The following ENOX1 variants were observed in gnomAD, a reference collection of about 807,000 sequenced individuals.
The protein encoded by ENOX1 is ecto-NOX disulfide-thiol exchanger 1, also known as candidate growth-related and time keeping constitutive hydroquinone (NADH) oxidase.
Under a neutral mutation model 82.5 loss-of-function variants are expected in ENOX1, and 42 were observed. The ratio of observed to expected loss-of-function variants is 0.51; its 90% CI spans 0.40 to 0.66. ENOX1 has a LOEUF of 0.66. ENOX1 is among the 30% of genes least tolerant of loss of function. ENOX1 has a pLI of 0.00. For synonymous variants in ENOX1, 271 were observed against 282.2 expected, an observed-to-expected ratio of 0.96 and a Z score of 0.40; for missense variants, 608 against 811.6, an observed-to-expected ratio of 0.75 and a Z score of 3.05.
chr13:43,400,774 C>T (rs1184387342), intron 5 of ENOX1, among the ~76,000 whole-genome samples: 1 of 152,154 alleles, frequency 6.6e-6, no homozygotes, highest in Non-Finnish European at 1.5e-5. Flanking sequence ...CTCTATGATT[C>T]TCCCCTACCC....
chr13:43,608,323 AT>A (rs2082057084), intron 2 of ENOX1, among the ~76,000 whole-genome samples: 1 of 152,188 alleles, frequency 6.6e-6, no homozygotes, highest in African/African-American at 2.4e-5. Flanking sequence ...TGTCACATAT[AT>A]TTTAACTATT....
At chr13:43,487,202 G>A (rs1454834399) in intron 2 of ENOX1, among the ~76,000 whole-genome samples, 1 of 151,830 alleles carries the variant, frequency 6.6e-6, no homozygotes, top group Non-Finnish European at 1.5e-5. Flanking sequence ...GGAAATATTA[G>A]TAGTATTGTT....
At chr13:43,778,771 T>C (rs1401975905) in intron 1 of ENOX1, among the ~76,000 whole-genome samples, 2 of 143,736 alleles carry the variant, frequency 1.4e-5, no homozygotes, top group African/African-American at 2.7e-5. Context: ...AAGCCTAAGA[T>C]TATAGATTAT....
intron 5 of ENOX1, among the ~76,000 whole-genome samples, chr13:43,393,552 T>C (rs1217800788): frequency 6.6e-6 from 1 of 151,888 alleles, no homozygotes; most frequent in South Asian, 2.1e-4. Context: ...ACAGATTAGA[T>C]AGATGGATGG....
intron 2 of ENOX1, among the ~76,000 whole-genome samples, chr13:43,548,498 T>C (rs1017536487): frequency 1.3e-5 from 2 of 152,234 alleles, no homozygotes; most frequent in Non-Finnish European, 1.5e-5. Context: ...TTAAGTAGGT[T>C]ATCTTTAACT....
At chr13:43,370,659 T>C (rs556389161) in intron 5 of ENOX1, among the ~76,000 whole-genome samples, 1 of 152,218 alleles carries the variant, frequency 6.6e-6, no homozygotes, top group Non-Finnish European at 1.5e-5. Context: ...TTGGGTTAAG[T>C]AACTTTAGGG....
chr13:43,589,991 T>C (rs1011759517), intron 2 of ENOX1, among the ~76,000 whole-genome samples: 7 of 151,058 alleles, frequency 4.6e-5, no homozygotes, highest in Non-Finnish European at 1.0e-4. Flanking sequence ...AACATTAATA[T>C]ATGTAGGTGA....
chr13:43,684,042 G>A (rs1183521019), intron 1 of ENOX1, among the ~76,000 whole-genome samples: 1 of 141,766 alleles, frequency 7.1e-6, no homozygotes, highest in Non-Finnish European at 1.5e-5. Flanking sequence ...TCTGCAGTGA[G>A]CAGAGATCGC....
intron 3 of ENOX1, among the ~76,000 whole-genome samples, chr13:43,470,924 A>T (rs1032726014): frequency 6.6e-6 from 1 of 152,174 alleles, no homozygotes; most frequent in African/African-American, 2.4e-5. Flanking sequence ...GTTGGTGGGA[A>T]TATAAACAAT....
At chr13:43,301,678 AGCTTG>A (rs1042776122) in intron 11 of ENOX1, among the ~76,000 whole-genome samples, 7 of 152,106 alleles carry the variant, frequency 4.6e-5, no homozygotes, top group Non-Finnish European at 8.8e-5. Flanking sequence ...AATGATTTCA[AGCTTG>A]GTTTTTACAA....
At chr13:43,259,258 C>A (rs530624935) in intron 14 of ENOX1, among the ~76,000 whole-genome samples, 13 of 152,294 alleles carry the variant, frequency 8.5e-5, no homozygotes, top group African/African-American at 3.1e-4. Context: ...AACCTCTACA[C>A]TCTGCTGCCT....
intron 2 of ENOX1, among the ~76,000 whole-genome samples, chr13:43,497,420 A>G (rs190188609): frequency 1.8e-4 from 28 of 152,282 alleles, no homozygotes; most frequent in Admixed American, 1.6e-3. Flanking sequence ...AGATTAGGAA[A>G]GATACCTTTT....
chr13:43,467,132 G>C (rs748450806), intron 3 of ENOX1, among the ~76,000 whole-genome samples: 71 of 152,118 alleles, frequency 4.7e-4, no homozygotes, highest in Non-Finnish European at 9.0e-4. Flanking sequence ...AGTTCTCTTA[G>C]GTCTATACCT....
chr13:43,495,906 C>T (rs2076778013), intron 2 of ENOX1, among the ~76,000 whole-genome samples: 2 of 151,936 alleles, frequency 1.3e-5, no homozygotes. Context: ...TTTACATTTC[C>T]ATCATGGCTA....
chr13:43,779,534 T>C (rs1952128617), intron 1 of ENOX1, among the ~76,000 whole-genome samples: 4 of 152,142 alleles, frequency 2.6e-5, no homozygotes. Context: ...GCAGGGAGTG[T>C]CAGGGCATGA....
chr13:43,252,047 C>T (rs1593538496), intron 14 of ENOX1, among the ~76,000 whole-genome samples: 1 of 152,200 alleles, frequency 6.6e-6, no homozygotes, highest in Non-Finnish European at 1.5e-5. Flanking sequence ...AGTTTCAAGT[C>T]ATCTTCCTAA....
At chr13:43,591,699 G>C (rs2081252645) in intron 2 of ENOX1, among the ~76,000 whole-genome samples, 1 of 151,738 alleles carries the variant, frequency 6.6e-6, no homozygotes, top group South Asian at 2.1e-4. Context: ...AAGAGCATTG[G>C]AGTTGGGAAC....
At chr13:43,723,132 C>A (rs76429286) in intron 1 of ENOX1, among the ~76,000 whole-genome samples, 7,074 of 152,274 alleles carry the variant, frequency 0.046, 147 homozygotes, top group East Asian at 0.064. Flanking sequence ...GATCTTAGGC[C>A]CCGCCTTGGC....
intron 1 of ENOX1, among the ~76,000 whole-genome samples, chr13:43,671,133 T>C (rs2085247131): frequency 6.6e-6 from 1 of 152,144 alleles, no homozygotes; most frequent in South Asian, 2.1e-4. Context: ...TGCTCTTGCA[T>C]GCTCTCTCTC....
Sources: gnomAD v4.1 joint callset for allele counts (sites outside exome capture counted in the v4.1 genomes callset) on GRCh38, gnomAD v4.1.1 for gene constraint, MANE v1.5 for transcripts, NCBI Gene and HGNC (gene_info 2026-07-23, HGNC 2026-07-21) for gene names.